The following PCSK6 variants were observed in gnomAD, a reference collection of about 807,000 sequenced individuals.
PCSK6 encodes paired basic amino acid cleaving enzyme 4.
A neutral mutation model predicts 123.3 loss-of-function variants in PCSK6; 85 were observed. The ratio of observed to expected loss-of-function variants is 0.69; its 90% CI spans 0.58 to 0.83. The LOEUF (loss-of-function observed/expected upper bound fraction) is 0.83, where lower values mean the gene tolerates loss of function less well. Among genes scored for constraint, PCSK6 ranks in the 40% least tolerant of loss-of-function variants. PCSK6 has a pLI of 0.00. For missense variants in PCSK6, 1,191 were observed against 1,282.3 expected (o/e 0.93, Z 1.09); for synonymous variants, 508 against 516.0 (o/e 0.98, Z 0.21).
At chr15:101,442,502 C>T (rs2056781919) in intron 2 of PCSK6, among the ~76,000 whole-genome samples, 2 of 152,218 alleles carry the variant, frequency 1.3e-5, no homozygotes, top group South Asian at 2.1e-4. Context: ...GTACAGAGCC[C>T]AGAGATAACG....
chr15:101,350,702 G>T (rs994365503), intron 13 of PCSK6, among the ~76,000 whole-genome samples: 1 of 152,128 alleles, frequency 6.6e-6, no homozygotes, highest in Non-Finnish European at 1.5e-5. Flanking sequence ...AGAGTGGCTG[G>T]CCCCCGCAAG....
intron 1 of PCSK6, among the ~76,000 whole-genome samples, chr15:101,488,829 G>C (rs952944237): frequency 1.3e-5 from 2 of 151,520 alleles, no homozygotes; most frequent in Non-Finnish European, 3.0e-5. Flanking sequence ...GGACACCGAG[G>C]GAGCGCGAGT....
intron 9 of PCSK6, among the ~76,000 whole-genome samples, chr15:101,388,646 G>A (rs2042139568): frequency 6.6e-6 from 1 of 152,178 alleles, no homozygotes. Context: ...CAGCCCCTGT[G>A]TCCTACAAAG....
chr15:101,326,575 G>A, intron 15 of PCSK6, 96 bp from the exon 16 acceptor site: 1 of 1,249,310 alleles, frequency 8.0e-7, no homozygotes, highest in Non-Finnish European at 1.1e-6. Flanking sequence ...CAGCTTGGCA[G>A]GGTTGGGAGA....
At chr15:101,453,689 A>C (rs963910790) in intron 1 of PCSK6, among the ~76,000 whole-genome samples, 1 of 152,182 alleles carries the variant, frequency 6.6e-6, no homozygotes, top group Non-Finnish European at 1.5e-5. Flanking sequence ...TGTCGCCTGG[A>C]AAGTGGGGAT....
At chr15:101,380,457 G>A (rs1046385292) in intron 11 of PCSK6, among the ~76,000 whole-genome samples, 26 of 152,288 alleles carry the variant, frequency 1.7e-4, no homozygotes, top group African/African-American at 6.0e-4. Flanking sequence ...CAAAGACAGA[G>A]AAGGCAAAAC....
chr15:101,487,991 T>C (rs772715732), intron 1 of PCSK6, among the ~76,000 whole-genome samples: 3 of 152,188 alleles, frequency 2.0e-5, no homozygotes, highest in Non-Finnish European at 4.4e-5. Flanking sequence ...TCCAAAGATG[T>C]GCTAGCATTC....
chr15:101,323,599 G>A (rs1297558459), intron 17 of PCSK6, among the ~76,000 whole-genome samples: 1 of 152,164 alleles, frequency 6.6e-6, no homozygotes, highest in Non-Finnish European at 1.5e-5. Context: ...CGGGCGTGAT[G>A]GCGCATGCCT....
chr15:101,338,093 C>T (rs1222001315), intron 13 of PCSK6, among the ~76,000 whole-genome samples: 2 of 152,140 alleles, frequency 1.3e-5, no homozygotes, highest in African/African-American at 4.8e-5. Context: ...ATGATCCCGC[C>T]ACAGTGTTTG....
chr15:101,370,355 C>G lies in PCSK6; in HGVS notation c.1701G>C (p.Lys567Asn), dbSNP rs1169440550. ...QIYLVSPSGT[K>N]SQLLAKRLLD... ...CTTACCTCTTTGCCAGAAGTTGAGA[C>G]TTGGTTCCCGAGGGAGAAACCAGGT... Residue 567 changes from lysine to asparagine, a missense_variant, in exon 12 of 22, where the codon AAG (lysine) becomes AAC (asparagine). This residue lies in a region of PCSK6 where 630 missense variants were observed against 631.4 expected (regional missense o/e 1.00). Coordinates refer to ENST00000611716, the MANE Select transcript of PCSK6 (RefSeq NM_002570.5). The G allele has an allele frequency of 6.5e-7, 1 of 1,548,572 alleles. No individual in the cohort carries two copies. The highest frequency in any genetic ancestry group is 8.7e-7 in the Non-Finnish European group (1 of 1,145,670).
At chr15:101,380,036 C>T (rs531005378) in intron 11 of PCSK6, among the ~76,000 whole-genome samples, 15 of 152,250 alleles carry the variant, frequency 9.9e-5, no homozygotes, top group African/African-American at 3.6e-4. Flanking sequence ...GGCTGAATAT[C>T]CCAGAAAGAG....
rs1268662794 is a variant in PCSK6 at position 101,489,122 on chromosome 15, G to A, written c.297+252C>T. 1.7e-4 allele frequency among the ~76,000 whole-genome samples: 25 copies of A among 146,944 alleles called. No individual in the cohort carries two copies. The East Asian group carries it at 4.5e-3, about 27-fold the overall frequency. The stretch of plus-strand genomic sequence containing the variant: ...CACTGCCGGGGGACTTGCGGTCGGC[G>A]CGCCGGACCTGCGTGGGCGCCCACG... On this transcript the variant is annotated intron_variant, in intron 1 of 21. Transcript: ENST00000611716.
chr15:101,419,953 G>A (rs755069643), intron 6 of PCSK6, among the ~76,000 whole-genome samples: 2 of 152,102 alleles, frequency 1.3e-5, no homozygotes, highest in Non-Finnish European at 2.9e-5. Context: ...TTGGGCAGCT[G>A]AGGCAGGTGG....
rs1300825550 is a variant in PCSK6, at chr15:101,431,329, G to T, written c.648C>A (p.Ala216=). 1 of 1,613,866 alleles carries T rather than the reference G, an allele frequency of 6.2e-7. No homozygotes were observed. Among genetic ancestry groups the T allele is most frequent in the South Asian group, 1.1e-5 (1 of 91,072 alleles). Residue 216 remains alanine (A), a synonymous_variant, in exon 4 of 22, where the codon GCC becomes GCA. Transcript: ENST00000611716. ...DGIERNHPDL[A]PNYDSYASYD... is the part of the protein sequence containing the mutation. ...CCGAGGATTGACTTACATAATTTGG[G>T]GCCAGGTCAGGGTGATTTCTCTCTA...
chr15:101,450,414 C>T (rs1396792707), intron 1 of PCSK6, among the ~76,000 whole-genome samples: 2 of 152,170 alleles, frequency 1.3e-5, no homozygotes, highest in African/African-American at 2.4e-5. Context: ...TTTTAACCAT[C>T]CCCTCGGCTG....
At chr15:101,322,362 T>G (rs1378197770) in intron 18 of PCSK6, among the ~76,000 whole-genome samples, 158 bp downstream of exon 18, 1 of 152,194 alleles carries the variant, frequency 6.6e-6, no homozygotes, top group Admixed American at 6.5e-5. Flanking sequence ...CCATCCTAAG[T>G]GGACACACGA....
At chr15:101,385,248 G>A (rs2042026128) in intron 9 of PCSK6, among the ~76,000 whole-genome samples, 1 of 152,178 alleles carries the variant, frequency 6.6e-6, no homozygotes, top group Non-Finnish European at 1.5e-5. Context: ...GAATTCCTGG[G>A]TTCAAGCAAT....
chr15:101,426,366 G>A (rs956110238), intron 6 of PCSK6, among the ~76,000 whole-genome samples: 8 of 152,190 alleles, frequency 5.3e-5, no homozygotes, highest in Middle Eastern at 3.2e-3. Context: ...TGAGTGGTGG[G>A]AATGGAACTG....
At chr15:101,343,735 G>A (rs776183421) in intron 13 of PCSK6, among the ~76,000 whole-genome samples, 2 of 152,244 alleles carry the variant, frequency 1.3e-5, no homozygotes, top group African/African-American at 2.4e-5. Flanking sequence ...GAAATCCATC[G>A]AAGCTTGCCA....
Sources: gnomAD v4.1 joint callset for allele counts (sites outside exome capture counted in the v4.1 genomes callset) on GRCh38, gnomAD v4.1.1 for gene constraint, gnomAD v4.1.1 regional missense constraint, MANE v1.5 for transcripts, NCBI Gene and HGNC (gene_info 2026-07-23, HGNC 2026-07-21) for gene names.